CACNA1A: variants seen among roughly 807,000 people sequenced by gnomAD.
CACNA1A encodes the protein calcium voltage-gated channel subunit alpha1 A, also known as voltage-dependent P/Q-type calcium channel subunit alpha-1A.
A neutral mutation model predicts 262.4 loss-of-function variants in CACNA1A; 57 were observed. That is an observed-to-expected ratio of 0.22 (90% CI 0.18 to 0.27). The LOEUF is 0.27. CACNA1A is among the 10% of genes least tolerant of loss of function. The probability of loss-of-function intolerance (pLI) is 1.00; values close to 1 mark genes in which losing one functional copy is unlikely to be tolerated. For synonymous variants in CACNA1A, 1,431 were observed against 1,419.3 expected (o/e 1.01, Z -0.18); for missense variants, 2,526 against 3,562.8 (o/e 0.71, Z 7.41).
At chr19:13,471,136 T>C (rs1260389086) in intron 1 of CACNA1A, among the ~76,000 whole-genome samples, 1 of 152,166 alleles carries the variant, frequency 6.6e-6, no homozygotes, top group Non-Finnish European at 1.5e-5. Context: ...CCTTCTCATA[T>C]AAAAGCACTT....
intron 1 of CACNA1A, among the ~76,000 whole-genome samples, chr19:13,497,501 AAAAAAAAAAAAAAAAAAAAAATAT>A (rs1981688070): frequency 3.8e-4 from 13 of 33,954 alleles, no homozygotes; most frequent in African/African-American, 1.5e-3. Context: ...AAAAAAAAAA[AAAAAAAAAAAAAAAAAAAAAATAT>A]ATATATATAT....
At chr19:13,398,241 G>T (rs1274505578) in intron 3 of CACNA1A, among the ~76,000 whole-genome samples, 1 of 151,020 alleles carries the variant, frequency 6.6e-6, no homozygotes, top group Non-Finnish European at 1.5e-5. Flanking sequence ...ATGCCTGGAG[G>T]ATAAGAGCAA....
At chr19:13,401,093 G>A (rs2059892587) in intron 3 of CACNA1A, among the ~76,000 whole-genome samples, 1 of 152,126 alleles carries the variant, frequency 6.6e-6, no homozygotes, top group Non-Finnish European at 1.5e-5. Context: ...CAAAGTCCTG[G>A]AATTACAGAC....
In CACNA1A at chr19:13,210,655, G is replaced by A. The variant is rs1354563230; in HGVS notation, c.6304-3C>T. ...CCACGTGGCCGGCCCCTTCTCCTCT[G>A]TCACAGCCCCATGGGATGGTGCACA... On this transcript the variant is annotated splice_region_variant and splice_polypyrimidine_tract_variant and intron_variant, in intron 43 of 46. Transcript: ENST00000360228. 10 of 1,562,912 alleles carry A rather than the reference G, an allele frequency of 6.4e-6. No homozygotes were observed. The highest frequency in any genetic ancestry group is 2.7e-5 in the African/African-American group (2 of 73,530).
chr19:13,436,089 T>C (rs2144854246), intron 3 of CACNA1A, among the ~76,000 whole-genome samples: 1 of 152,250 alleles, frequency 6.6e-6, no homozygotes, highest in African/African-American at 2.4e-5. Flanking sequence ...CCTCCTAAAG[T>C]GTTGGGATTA....
At chr19:13,220,012 C>T (rs900841654) in intron 38 of CACNA1A, among the ~76,000 whole-genome samples, 1 of 151,318 alleles carries the variant, frequency 6.6e-6, no homozygotes, top group African/African-American at 2.4e-5. Context: ...AATCCCAGCA[C>T]TTTGGGAGGC....
chr19:13,315,196 C>CTTTTTTTTTTTTTTTTTT, intron 11 of CACNA1A: 1 of 109,700 alleles, frequency 9.1e-6, no homozygotes, highest in Non-Finnish European at 1.8e-5. Context: ...TAATGTGTAT[C>CTTTTTTTTTTTTTTTTTT]TTTTTTTTTT....
At chr19:13,379,321 A>G (rs1207190099) in intron 3 of CACNA1A, among the ~76,000 whole-genome samples, 1 of 151,994 alleles carries the variant, frequency 6.6e-6, no homozygotes, top group Non-Finnish European at 1.5e-5. Context: ...TTTAGACATA[A>G]TGCTATCATG....
intron 4 of CACNA1A, among the ~76,000 whole-genome samples, chr19:13,367,523 C>G (rs184529632): frequency 5.3e-5 from 8 of 151,588 alleles, no homozygotes; most frequent in African/African-American, 1.9e-4. Context: ...GTCAGGAGAT[C>G]GAGACCATCC....
intron 1 of CACNA1A, among the ~76,000 whole-genome samples, chr19:13,489,003 C>CTTTTTTTTTTTTTTTTTTTTT (rs896790084): frequency 1.9e-4 from 14 of 75,226 alleles, no homozygotes; most frequent in Non-Finnish European, 2.8e-4. Flanking sequence ...CTTTTCTTTT[C>CTTTTTTTTTTTTTTTTTTTTT]TTTTTTTTTT....
At chr19:13,304,589 T>C (rs1214893549) in intron 15 of CACNA1A, among the ~76,000 whole-genome samples, 5 of 147,212 alleles carry the variant, frequency 3.4e-5, no homozygotes, top group Non-Finnish European at 7.4e-5. Flanking sequence ...GCCACTGCAC[T>C]CCAGGCTGGG....
chr19:13,346,960 A>G (rs2058799220), intron 6 of CACNA1A, among the ~76,000 whole-genome samples: 2 of 151,216 alleles, frequency 1.3e-5, no homozygotes, highest in Admixed American at 6.6e-5. Flanking sequence ...GATTACAGGC[A>G]TGAGCCACCG....
intron 4 of CACNA1A, 120 bp from the exon 5 acceptor site, chr19:13,365,589 C>T (rs770429213): frequency 2.5e-6 from 2 of 786,510 alleles, no homozygotes; most frequent in Non-Finnish European, 4.0e-6. Flanking sequence ...ACATTAAGCA[C>T]CCAGGAGCCT....
rs752779378 is a variant in CACNA1A, at chr19:13,298,931, G to A, written c.2702C>T (p.Ser901Leu). ...GCTGCCCTCCCGGGCGTGGTGGTCC[G>A]ACTCGCGGCCGTAGGGTCCCTCCCG... is the stretch of plus-strand genomic sequence containing the variant. ...LSREGPYGRE[S>L]DHHAREGSLE... The change falls in exon 19 of 47, where the codon TCG (serine) becomes TTG (leucine). Residue 901 changes from serine (S) to leucine (L), a missense_variant. Ser to Leu is a moderately radical substitution (Grantham distance 145). Around this residue, in one of 17 missense-constraint regions of CACNA1A, gnomAD observed 765 missense variants for 748.6 expected, o/e 1.02. Coordinates refer to ENST00000360228, the MANE Select transcript of CACNA1A (RefSeq NM_001127222.2). The A allele has an allele frequency of 1.3e-6, 2 of 1,593,776 alleles. No individual in the cohort carries two copies. Among genetic ancestry groups the A allele is most frequent in the Non-Finnish European group, 1.7e-6 (2 of 1,177,486 alleles).
intron 1 of CACNA1A, among the ~76,000 whole-genome samples, chr19:13,465,229 C>T (rs1315745803): frequency 6.6e-6 from 1 of 152,128 alleles, no homozygotes; most frequent in Non-Finnish European, 1.5e-5. Flanking sequence ...CCGCGTCCAG[C>T]CTTAGTTCCT....
intron 4 of CACNA1A, among the ~76,000 whole-genome samples, chr19:13,367,440 G>A (rs955587339): frequency 6.6e-6 from 1 of 151,912 alleles, no homozygotes; most frequent in Non-Finnish European, 1.5e-5. Flanking sequence ...GAATAAGAAG[G>A]CAGGGGGCCA....
intron 4 of CACNA1A, among the ~76,000 whole-genome samples, chr19:13,369,483 G>A (rs1007878964): frequency 2.0e-5 from 3 of 152,096 alleles, no homozygotes; most frequent in Admixed American, 6.5e-5. Flanking sequence ...CTAAGTATCC[G>A]CTTCAAGGGA....
At chr19:13,230,578 A>G (rs7245782) in intron 35 of CACNA1A, among the ~76,000 whole-genome samples, 141,285 of 151,822 alleles carry the variant, frequency 0.93, 65,838 homozygotes, top group African/African-American at 0.98. Context: ...GCCGAGGTGG[A>G]CAGATCACTT....
intron 6 of CACNA1A, among the ~76,000 whole-genome samples, chr19:13,336,573 A>G (rs1173335258): frequency 5.3e-5 from 3 of 57,034 alleles, no homozygotes; most frequent in South Asian, 6.5e-4. Flanking sequence ...TGGAGAGAGA[A>G]AGAGAGACAG....
Sources: allele counts gnomAD v4.1 joint callset (sites outside exome capture counted in the v4.1 genomes callset), GRCh38; gene constraint gnomAD v4.1.1; regional missense constraint gnomAD v4.1.1; transcripts MANE v1.5; gene names NCBI Gene and HGNC (gene_info 2026-07-23, HGNC 2026-07-21).